Variants in RNGTT observed in about 807,000 individuals in gnomAD.
RNGTT encodes the protein mRNA-capping enzyme.
Under a neutral mutation model 79.3 loss-of-function variants are expected in RNGTT, and 33 were observed. That is an observed-to-expected ratio of 0.42 (90% CI 0.32 to 0.56). The LOEUF (loss-of-function observed/expected upper bound fraction) is 0.56. Ranked by LOEUF, RNGTT falls within the 20% of genes least tolerant of loss-of-function variation. The probability of loss-of-function intolerance (pLI) is 0.17; values close to 1 mark genes in which losing one functional copy is unlikely to be tolerated. For synonymous variants in RNGTT, 222 were observed against 235.9 expected (o/e 0.94, Z 0.54); for missense variants, 497 against 739.1 (o/e 0.67, Z 3.80).
At chr6:88,659,351 G>A (rs1309024497) in intron 14 of RNGTT, among the ~76,000 whole-genome samples, 9 of 152,178 alleles carry the variant, frequency 5.9e-5, no homozygotes, top group African/African-American at 9.7e-5. Flanking sequence ...GCTACTCAAG[G>A]AGGTACCAGA....
At chr6:88,939,450 T>C (rs748110819) in intron 2 of RNGTT, among the ~76,000 whole-genome samples, 4 of 152,194 alleles carry the variant, frequency 2.6e-5, no homozygotes, top group Non-Finnish European at 5.9e-5. Flanking sequence ...CTGAATTTGT[T>C]TGAATTTCTG....
At chr6:88,860,685 G>A (rs1270120249) in intron 8 of RNGTT, among the ~76,000 whole-genome samples, 1 of 152,046 alleles carries the variant, frequency 6.6e-6, no homozygotes, top group Non-Finnish European at 1.5e-5. Context: ...ATTGCTTACA[G>A]TCAAGAAGGC....
At chr6:88,638,582 T>C (rs1773188462) in intron 14 of RNGTT, among the ~76,000 whole-genome samples, 1 of 152,208 alleles carries the variant, frequency 6.6e-6, no homozygotes, top group South Asian at 2.1e-4. Context: ...AAGAACAGTT[T>C]TATGCTTTAA....
chr6:88,816,555 T>C (rs1780320319), intron 11 of RNGTT, among the ~76,000 whole-genome samples: 1 of 152,180 alleles, frequency 6.6e-6, no homozygotes, highest in Non-Finnish European at 1.5e-5. Context: ...CATAAAATAC[T>C]AGGTATCAGA....
At chr6:88,884,259 T>C (rs1184979940) in intron 8 of RNGTT, among the ~76,000 whole-genome samples, 2 of 152,162 alleles carry the variant, frequency 1.3e-5, no homozygotes, top group South Asian at 2.1e-4. Flanking sequence ...AATATCTCTA[T>C]ATAGGAGAGT....
At chr6:88,681,710 A>G (rs969786512) in intron 13 of RNGTT, among the ~76,000 whole-genome samples, 1 of 152,194 alleles carries the variant, frequency 6.6e-6, no homozygotes, top group Non-Finnish European at 1.5e-5. Context: ...CAGCACTAAT[A>G]AACACATTTA....
At chr6:88,795,628 A>T (rs547779890) in intron 12 of RNGTT, among the ~76,000 whole-genome samples, 1 of 152,272 alleles carries the variant, frequency 6.6e-6, no homozygotes, top group Admixed American at 6.5e-5. Context: ...GCACGTGTAT[A>T]CCTATGTAAC....
At chr6:88,662,734 C>A (rs755218777) in intron 14 of RNGTT, among the ~76,000 whole-genome samples, 17 of 152,240 alleles carry the variant, frequency 1.1e-4, no homozygotes, top group Admixed American at 3.3e-4. Context: ...AGCACTCTCG[C>A]GTAGGCAATT....
intron 13 of RNGTT, among the ~76,000 whole-genome samples, chr6:88,739,969 T>A (rs1442557675): frequency 6.6e-6 from 1 of 151,784 alleles, no homozygotes; most frequent in Non-Finnish European, 1.5e-5. Flanking sequence ...CTTAGAGGAA[T>A]CAATAAAATT....
intron 12 of RNGTT, among the ~76,000 whole-genome samples, chr6:88,783,708 A>G (rs986626745): frequency 6.6e-6 from 1 of 152,194 alleles, no homozygotes; most frequent in African/African-American, 2.4e-5. Context: ...GTTCTTTAAC[A>G]GCAATACTAC....
At chr6:88,728,069 G>A (rs561591288) in intron 13 of RNGTT, among the ~76,000 whole-genome samples, 177 of 152,204 alleles carry the variant, frequency 1.2e-3, no homozygotes, top group Non-Finnish European at 2.0e-3. Context: ...AGAAAGCACC[G>A]TCCCCTCCAG....
intron 14 of RNGTT, among the ~76,000 whole-genome samples, chr6:88,673,170 G>A (rs1428287250): frequency 6.6e-6 from 1 of 152,174 alleles, no homozygotes; most frequent in Non-Finnish European, 1.5e-5. Flanking sequence ...GTTAATGAAT[G>A]AGAATGTCTT....
At chr6:88,683,315 T>C (rs1775159145) in intron 13 of RNGTT, among the ~76,000 whole-genome samples, 1 of 152,054 alleles carries the variant, frequency 6.6e-6, no homozygotes, top group Non-Finnish European at 1.5e-5. Flanking sequence ...TAAGAGGATA[T>C]TATAAATACT....
intron 13 of RNGTT, among the ~76,000 whole-genome samples, chr6:88,749,485 G>GA (rs1420295186): frequency 6.6e-6 from 1 of 150,874 alleles, no homozygotes; most frequent in Non-Finnish European, 1.5e-5. Context: ...AAAAAATAAG[G>GA]AAAAAAATCA....
chr6:88,811,312 C>T (rs1780129467), intron 11 of RNGTT, among the ~76,000 whole-genome samples: 1 of 152,144 alleles, frequency 6.6e-6, no homozygotes, highest in African/African-American at 2.4e-5. Context: ...TGATACTTTT[C>T]ATAAGGTTTT....
At chr6:88,952,237 C>T (rs898736040) in intron 1 of RNGTT, among the ~76,000 whole-genome samples, 2 of 152,134 alleles carry the variant, frequency 1.3e-5, no homozygotes, top group Non-Finnish European at 2.9e-5. Context: ...CAAGAACCAC[C>T]CCCCATCCCC....
intron 13 of RNGTT, among the ~76,000 whole-genome samples, chr6:88,730,003 T>C (rs922558335): frequency 1.3e-5 from 2 of 152,160 alleles, no homozygotes; most frequent in African/African-American, 4.8e-5. Context: ...CAGAGGCTCA[T>C]AAAAATGGCA....
intron 14 of RNGTT, among the ~76,000 whole-genome samples, chr6:88,616,074 T>A (rs1772205577): frequency 6.6e-6 from 1 of 152,252 alleles, no homozygotes; most frequent in African/African-American, 2.4e-5. Context: ...TTTAGATACT[T>A]CATACGAGTA....
At chr6:88,663,266 G>A (rs1193899856) in intron 14 of RNGTT, among the ~76,000 whole-genome samples, 1 of 152,160 alleles carries the variant, frequency 6.6e-6, no homozygotes, top group African/African-American at 2.4e-5. Context: ...GGGGACTATG[G>A]AATTGCTATG....
Sources: gnomAD v4.1 joint callset for allele counts (sites outside exome capture counted in the v4.1 genomes callset) on GRCh38, gnomAD v4.1.1 for gene constraint, MANE v1.5 for transcripts, NCBI Gene and HGNC (gene_info 2026-07-23, HGNC 2026-07-21) for gene names.